Variants in KIR3DL2 observed in about 807,000 individuals in gnomAD.
The protein encoded by KIR3DL2 is killer cell immunoglobulin like receptor, three Ig domains and long cytoplasmic tail 2.
KIR3DL2 carries 42 observed loss-of-function variants against 41.6 expected under a neutral mutation model. The ratio of observed to expected loss-of-function variants is 1.01; its 90% CI spans 0.79 to 1.31. The LOEUF (loss-of-function observed/expected upper bound fraction) is 1.31. Among genes scored for constraint, KIR3DL2 ranks in the 50% most tolerant of loss-of-function variants. KIR3DL2 has a pLI of 0.00. For missense variants in KIR3DL2, 728 were observed against 576.8 expected, an observed-to-expected ratio of 1.26 and a Z score of -2.68; for synonymous variants, 230 against 221.3, an observed-to-expected ratio of 1.04 and a Z score of -0.35.
chr19:54,851,354 G>A (rs1489125772), intron 2 of KIR3DL2, 99 bp downstream of exon 2: 21 of 1,338,396 alleles, frequency 1.6e-5, no homozygotes, highest in South Asian at 2.4e-5. Flanking sequence ...CATAAACTAG[G>A]AAGAGGGGAC....
intron 6 of KIR3DL2, among the ~76,000 whole-genome samples, chr19:54,862,357 C>T (rs62123383): frequency 0.36 from 54,032 of 151,912 alleles, 9,644 homozygotes; most frequent in South Asian, 0.4. Context: ...CAATCCCAGT[C>T]CAGTCTTTCC....
intron 5 of KIR3DL2, among the ~76,000 whole-genome samples, chr19:54,858,689 C>T (rs2064967554): frequency 6.6e-6 from 1 of 151,346 alleles, no homozygotes; most frequent in South Asian, 2.1e-4. Context: ...GATTGCACCT[C>T]TACACTCCAG....
At chr19:54,851,715 G>T (rs1304752172) in intron 2 of KIR3DL2, among the ~76,000 whole-genome samples, 1 of 151,630 alleles carries the variant, frequency 6.6e-6, no homozygotes, top group African/African-American at 2.4e-5. Flanking sequence ...ATTCACATAG[G>T]ACATGCCCTC....
chr19:54,861,641 T>G (rs1162880650), intron 6 of KIR3DL2, among the ~76,000 whole-genome samples: 4 of 151,438 alleles, frequency 2.6e-5, no homozygotes, highest in Non-Finnish European at 5.9e-5. Flanking sequence ...ACAGGGATAC[T>G]CTGTCTCAAA....
intron 6 of KIR3DL2, among the ~76,000 whole-genome samples, chr19:54,859,467 C>T (rs1030678976): frequency 6.0e-5 from 9 of 150,020 alleles, no homozygotes; most frequent in African/African-American, 2.2e-4. Flanking sequence ...GGGAAGGGAA[C>T]ATCTGATGAG....
intron 6 of KIR3DL2, among the ~76,000 whole-genome samples, chr19:54,860,088 T>G (rs2065069173): frequency 6.6e-6 from 1 of 152,112 alleles, no homozygotes; most frequent in African/African-American, 2.4e-5. Context: ...TCCTTTTAAG[T>G]TCAGCTGACT....
chr19:54,855,481 T>A, intron 4 of KIR3DL2, 138 bp from the exon 5 acceptor site: 1 of 1,311,894 alleles, frequency 7.6e-7, no homozygotes, highest in South Asian at 1.5e-5. Flanking sequence ...GAAATAGACA[T>A]GAAGAGAGTT....
chr19:54,852,016 T>G lies in KIR3DL2; in HGVS notation c.89T>G (p.Phe30Cys). 1.2e-6 allele frequency: 2 copies of G among 1,610,646 alleles called. No individual in the cohort carries two copies. The highest frequency in any genetic ancestry group is 1.3e-5 in the African/African-American group (1 of 74,424). The change falls in exon 3 of 9, where the codon TTC becomes TGC. Residue 30 changes from phenylalanine (F) to cysteine (C), a missense_variant. By Grantham distance (205) the Phe-to-Cys change is radical. Coordinates refer to ENST00000326321, the MANE Select transcript of KIR3DL2 (RefSeq NM_006737.4). ...WPLMGGQDKP[F>C]LSARPSTVVP... ...CCCCCAGGTGGTCAGGACAAACCCTTCCTGTCTGCCCGGCCCAGCACTGTG... is the reference window on the plus strand; with the variant it reads ...CCCCCAGGTGGTCAGGACAAACCCTGCCTGTCTGCCCGGCCCAGCACTGTG...
chr19:54,862,001 A>G (rs1334511915), intron 6 of KIR3DL2, among the ~76,000 whole-genome samples: 1 of 151,952 alleles, frequency 6.6e-6, no homozygotes. Flanking sequence ...TACTCCTTGG[A>G]GTGAGTTCAG....
rs1601731848 is a variant in KIR3DL2, at chr19:54,852,401, G to C, written c.355+119G>C. 4 of 1,320,574 alleles carry C rather than the reference G, an allele frequency of 3.0e-6. 1 individual carries two copies. The East Asian group carries it at 9.3e-5, about 31-fold the overall frequency. 81.8% of individuals were successfully genotyped at this position (1,320,574 alleles called of 1,614,324 possible). A position where few individuals can be genotyped will look rare whatever the true frequency, so the allele number is the denominator to read the frequency against. On this transcript the variant is annotated intron_variant, in intron 3 of 8. Coordinates refer to ENST00000326321, the MANE Select transcript of KIR3DL2 (RefSeq NM_006737.4). ...CCCAACTGTATTTGGGGTCAAGGGA[G>C]ATTGAATACAGGGGAAATGGGTGCT...
In KIR3DL2 at chr19:54,854,856, G is replaced by T. The variant is rs1330527714; in HGVS notation, c.656-763G>T. Among the ~76,000 whole-genome samples the T allele has an allele frequency of 1.6e-3, 247 of 151,874 alleles. 10 individuals are homozygous for T. Among genetic ancestry groups the T allele is most frequent in the African/African-American group, 5.6e-3 (230 of 41,222 alleles). ...GGGCACAAAGACAGAGAAAGATAAA[G>T]ATGTGGGGATGGATTGCAGAGATTC... On this transcript the variant is annotated intron_variant, in intron 4 of 8. Transcript: ENST00000326321.
intron 7 of KIR3DL2, 64 bp from the exon 8 acceptor site, chr19:54,866,306 T>C (rs1302161780): frequency 3.8e-6 from 6 of 1,572,422 alleles, no homozygotes; most frequent in Non-Finnish European, 5.2e-6. Flanking sequence ...GGTTGGTGTC[T>C]GCCCATGAAA....
intron 3 of KIR3DL2, 114 bp from the exon 4 acceptor site, chr19:54,853,633 A>T (rs1221942514): frequency 8.1e-7 from 1 of 1,237,426 alleles, no homozygotes; most frequent in African/African-American, 1.5e-5. Flanking sequence ...ACACGGAGAC[A>T]CAGAGAGGGA....
intron 6 of KIR3DL2, among the ~76,000 whole-genome samples, chr19:54,859,702 T>A (rs586955): frequency 6.6e-6 from 1 of 150,760 alleles, no homozygotes; most frequent in Admixed American, 6.6e-5. Flanking sequence ...AAGATTCGTG[T>A]GTGAAAACAA....
At chr19:54,862,244 C>A (rs2065227337) in intron 6 of KIR3DL2, among the ~76,000 whole-genome samples, 1 of 152,046 alleles carries the variant, frequency 6.6e-6, no homozygotes, top group Non-Finnish European at 1.5e-5. Flanking sequence ...TTCTACTTTG[C>A]TTTTTTGATC....
Position 54,854,011 on chromosome 19 carries a change from C to G in KIR3DL2, c.620C>G (p.Ser207Ter). The change falls in exon 4 of 9, where the codon TCA becomes TGA. Residue 207 changes from serine (S) to a stop codon, truncating the protein, a stop_gained. Transcript: ENST00000326321. LOFTEE classifies it high-confidence loss of function. ...GTTCCTCACTCCCCCTATCAGTTGT[C>G]AGCTCCCAGTGACCCCCTGGACATC... ...GSVPHSPYQL[S>*]APSDPLDIVI... The G allele has an allele frequency of 1.2e-6, 2 of 1,613,180 alleles. No homozygotes were observed. Among genetic ancestry groups the G allele is most frequent in the South Asian group, 2.2e-5 (2 of 91,080 alleles).
At chr19:54,852,414 G>T in intron 3 of KIR3DL2, 132 bp downstream of exon 3, 3 of 1,204,414 alleles carry the variant, frequency 2.5e-6, no homozygotes, top group Non-Finnish European at 1.2e-6. Flanking sequence ...TGAATACAGG[G>T]GAAATGGGTG....
chr19:54,850,565 G>A lies in KIR3DL2; in HGVS notation c.34+56G>A. On this transcript the variant is annotated intron_variant, in intron 1 of 8. Transcript: ENST00000326321. ...GAGTGGGGATGGAGATCTCGGCCTA[G>A]AGGTAAAGATATGGGCCTGGAGTGG... The A allele has an allele frequency of 1.9e-6, 3 of 1,601,636 alleles. No homozygotes were observed. The Admixed American group carries it at 5.0e-5, about 27-fold the overall frequency.
intron 6 of KIR3DL2, among the ~76,000 whole-genome samples, chr19:54,863,701 T>G (rs1171403576): frequency 6.6e-6 from 1 of 151,994 alleles, no homozygotes; most frequent in Non-Finnish European, 1.5e-5. Context: ...TTTGATAGGA[T>G]TGTTTGTTTT....
Sources: allele counts gnomAD v4.1 joint callset (sites outside exome capture counted in the v4.1 genomes callset), GRCh38; gene constraint gnomAD v4.1.1; transcripts MANE v1.5; gene names NCBI Gene and HGNC (gene_info 2026-07-23, HGNC 2026-07-21).